Variants in NRCAM observed in about 807,000 individuals in gnomAD.
The protein encoded by NRCAM is NgCAM-related cell adhesion molecule.
In NRCAM, 83 loss-of-function variants were observed where a neutral mutation model predicts 156.5. That is an observed-to-expected ratio of 0.53 (90% CI 0.44 to 0.64). The LOEUF (loss-of-function observed/expected upper bound fraction) is 0.64. Ranked by LOEUF, NRCAM falls within the 30% of genes least tolerant of loss-of-function variation. NRCAM has a pLI of 0.00. For synonymous variants in NRCAM, 538 were observed against 563.9 expected, an observed-to-expected ratio of 0.95 and a Z score of 0.65; for missense variants, 1,417 against 1,597.3, an observed-to-expected ratio of 0.89 and a Z score of 1.92.
intron 2 of NRCAM, among the ~76,000 whole-genome samples, chr7:108,394,802 T>TA (rs1252890040): frequency 3.3e-5 from 5 of 152,210 alleles, no homozygotes; most frequent in Non-Finnish European, 5.9e-5. Context: ...ATCTTTTTTT[T>TA]ATCCTCAATC....
chr7:108,415,109 C>T (rs1799920108), intron 1 of NRCAM, among the ~76,000 whole-genome samples: 1 of 152,230 alleles, frequency 6.6e-6, no homozygotes, highest in East Asian at 1.9e-4. Flanking sequence ...CTCCCACACC[C>T]TCCATCACAC....
intron 20 of NRCAM, among the ~76,000 whole-genome samples, chr7:108,185,047 AT>A (rs917350545): frequency 2.0e-5 from 3 of 152,090 alleles, no homozygotes; most frequent in Non-Finnish European, 4.4e-5. Flanking sequence ...AGATGATCAA[AT>A]TTTTTTCATA....
At chr7:108,250,540 A>G (rs34723270) in intron 3 of NRCAM, among the ~76,000 whole-genome samples, 45,049 of 151,764 alleles carry the variant, frequency 0.3, 7,455 homozygotes, top group African/African-American at 0.43. Context: ...TGTGGGATCT[A>G]AAATTCAAAA....
At chr7:108,431,641 C>T (rs1457318266) in intron 1 of NRCAM, among the ~76,000 whole-genome samples, 2 of 152,012 alleles carry the variant, frequency 1.3e-5, no homozygotes, top group Non-Finnish European at 1.5e-5. Context: ...AAAAATTAGC[C>T]AAGCACGGTG....
At chr7:108,391,174 G>A (rs1394226628) in intron 2 of NRCAM, among the ~76,000 whole-genome samples, 2 of 151,996 alleles carry the variant, frequency 1.3e-5, no homozygotes, top group Non-Finnish European at 2.9e-5. Flanking sequence ...ACAGTGGGGT[G>A]TTAAAGTCTC....
intron 1 of NRCAM, among the ~76,000 whole-genome samples, chr7:108,435,034 G>GAA (rs11392385): frequency 7.7e-4 from 115 of 149,092 alleles, no homozygotes; most frequent in South Asian, 2.9e-3. Context: ...TACATGGTAG[G>GAA]AAAAAAAAAA....
chr7:108,214,799 T>C (rs749427413), intron 11 of NRCAM, among the ~76,000 whole-genome samples: 1 of 152,218 alleles, frequency 6.6e-6, no homozygotes, highest in Non-Finnish European at 1.5e-5. Flanking sequence ...GTACATTGTG[T>C]CTTTGTTCTC....
intron 1 of NRCAM, among the ~76,000 whole-genome samples, chr7:108,416,516 C>T (rs1488731309): frequency 6.6e-6 from 1 of 151,952 alleles, no homozygotes; most frequent in Non-Finnish European, 1.5e-5. Flanking sequence ...GGCCAGGAGA[C>T]AATCATGTAG....
rs528366392 is a variant in NRCAM, at chr7:108,375,296, T to C, written c.-174+24140A>G. On this transcript the variant is annotated intron_variant, in intron 2 of 32. Transcript: ENST00000379028. Reference sequence around the variant, plus strand: ...CTGAATGAATCAATGAATAATTCTATACTGAAAGCACCACTCTCTCCCCCA... The same window carrying C: ...CTGAATGAATCAATGAATAATTCTACACTGAAAGCACCACTCTCTCCCCCA... Among the ~76,000 whole-genome samples, 7 of 152,162 alleles carry C rather than the reference T, an allele frequency of 4.6e-5. No homozygotes were observed. In the South Asian group the frequency reaches 1.5e-3, roughly 32 times the overall value.
chr7:108,266,591 A>G (rs148193336), intron 3 of NRCAM, among the ~76,000 whole-genome samples: 338 of 152,338 alleles, frequency 2.2e-3, no homozygotes, highest in Non-Finnish European at 2.1e-3. Context: ...AATCAGATCC[A>G]GTGTCTTTTC....
intron 2 of NRCAM, among the ~76,000 whole-genome samples, chr7:108,322,050 A>AT (rs2099008376): frequency 6.6e-6 from 1 of 152,236 alleles, no homozygotes; most frequent in Non-Finnish European, 1.5e-5. Context: ...TTGGCTGTGC[A>AT]TCTTTTTTTG....
At chr7:108,218,777 A>C (rs1304794683) in intron 11 of NRCAM, among the ~76,000 whole-genome samples, 2 of 152,192 alleles carry the variant, frequency 1.3e-5, no homozygotes, top group East Asian at 3.9e-4. Context: ...ACAAACTGAC[A>C]TTCTAAGGTC....
chr7:108,433,887 G>A (rs1828894713), intron 1 of NRCAM, among the ~76,000 whole-genome samples: 1 of 152,212 alleles, frequency 6.6e-6, no homozygotes, highest in Non-Finnish European at 1.5e-5. Context: ...CATCATGTAT[G>A]TGTTTCAAAT....
intron 11 of NRCAM, among the ~76,000 whole-genome samples, chr7:108,223,104 G>T (rs1470029318): frequency 6.6e-6 from 1 of 152,194 alleles, no homozygotes; most frequent in South Asian, 2.1e-4. Context: ...CCCTGTGCAT[G>T]ATGTCTGTTG....
intron 2 of NRCAM, among the ~76,000 whole-genome samples, chr7:108,359,848 T>G (rs2099536572): frequency 6.6e-6 from 1 of 152,210 alleles, no homozygotes; most frequent in African/African-American, 2.4e-5. Flanking sequence ...AAATTCCTTC[T>G]TGCCTCATTC....
chr7:108,417,250 G>C (rs190430465), intron 1 of NRCAM, among the ~76,000 whole-genome samples: 1 of 152,304 alleles, frequency 6.6e-6, no homozygotes, highest in East Asian at 1.9e-4. Context: ...GAAAACCTGA[G>C]ACTGGGTAAC....
intron 3 of NRCAM, among the ~76,000 whole-genome samples, chr7:108,251,915 C>T (rs570581929): frequency 7.2e-5 from 11 of 152,050 alleles, no homozygotes; most frequent in South Asian, 6.2e-4. Flanking sequence ...TACACTCCAG[C>T]GTGGGTGACA....
At chr7:108,152,560 C>T (rs1024706350) in intron 32 of NRCAM, among the ~76,000 whole-genome samples, 1 of 151,932 alleles carries the variant, frequency 6.6e-6, no homozygotes, top group Admixed American at 6.6e-5. Context: ...GAATAAGTGA[C>T]ATGCTCTGAC....
chr7:108,176,468 C>T lies in NRCAM; in HGVS notation c.3113G>A (p.Ser1038Asn). The change falls in exon 27 of 33, where the codon AGT (serine) becomes AAT (asparagine). Residue 1038 changes from serine to asparagine, a missense_variant. Ser to Asn is a conservative substitution (Grantham distance 46). This residue lies in a region of NRCAM where 1,238 missense variants were observed against 1,336.4 expected (regional missense o/e 0.93). Transcript: ENST00000379028. ...FYAQTSAGSG[S>N]QITEEAVTTV... ...TGTTACTGCTTCCTCTGTAATTTGACTTCCTGATCCTGCTGATGTTTGTGC... is the reference window on the plus strand; with the variant it reads ...TGTTACTGCTTCCTCTGTAATTTGATTTCCTGATCCTGCTGATGTTTGTGC... 1 of 1,613,504 alleles carries T rather than the reference C, an allele frequency of 6.2e-7. No homozygotes were observed. The highest frequency in any genetic ancestry group is 8.5e-7 in the Non-Finnish European group (1 of 1,179,806).
Sources: gnomAD v4.1 joint callset for allele counts (sites outside exome capture counted in the v4.1 genomes callset) on GRCh38, gnomAD v4.1.1 for gene constraint, gnomAD v4.1.1 regional missense constraint, MANE v1.5 for transcripts, NCBI Gene and HGNC (gene_info 2026-07-23, HGNC 2026-07-21) for gene names.